IKZF3: variants seen among roughly 807,000 people sequenced by gnomAD.
The protein encoded by IKZF3 is IKAROS family zinc finger 3.
A neutral mutation model predicts 49.0 loss-of-function variants in IKZF3; 10 were observed. The ratio of observed to expected loss-of-function variants is 0.20; its 90% CI spans 0.13 to 0.35. IKZF3 has a LOEUF of 0.35. Among genes scored for constraint, IKZF3 ranks in the 10% least tolerant of loss-of-function variants. The probability of loss-of-function intolerance (pLI) is 1.00; values close to 1 mark genes in which losing one functional copy is unlikely to be tolerated. For synonymous variants in IKZF3, 209 were observed against 228.2 expected, an observed-to-expected ratio of 0.92 and a Z score of 0.76; for missense variants, 498 against 664.8, an observed-to-expected ratio of 0.75 and a Z score of 2.76.
chr17:39,808,528 A>G (rs531564102), intron 3 of IKZF3, among the ~76,000 whole-genome samples: 15 of 152,288 alleles, frequency 9.8e-5, no homozygotes, highest in African/African-American at 3.6e-4. Context: ...TTTATGGACC[A>G]TACTGTCTCA....
intron 1 of IKZF3, chr17:39,835,572 G>C: frequency 2.3e-6 from 1 of 435,346 alleles, no homozygotes; most frequent in Non-Finnish European, 4.5e-6. Flanking sequence ...CATGCTGTCA[G>C]CCTTGGCCTG....
intron 1 of IKZF3, among the ~76,000 whole-genome samples, chr17:39,833,140 C>G (rs1478485352): frequency 6.6e-6 from 1 of 152,162 alleles, no homozygotes. Context: ...TCAATCCATT[C>G]ATCGATCCAG....
intron 1 of IKZF3, among the ~76,000 whole-genome samples, chr17:39,847,222 T>C (rs577710576): frequency 1.3e-5 from 2 of 152,288 alleles, no homozygotes; most frequent in South Asian, 2.1e-4. Flanking sequence ...ATCACCATCA[T>C]ATATAATCAT....
chr17:39,828,578 G>A (rs975085128), intron 3 of IKZF3, among the ~76,000 whole-genome samples: 3 of 152,226 alleles, frequency 2.0e-5, no homozygotes, highest in African/African-American at 7.2e-5. Flanking sequence ...TCAGACAAAA[G>A]TGCAGGTAAC....
At chr17:39,772,894 C>A (rs886540129) in intron 7 of IKZF3, among the ~76,000 whole-genome samples, 2 of 152,174 alleles carry the variant, frequency 1.3e-5, no homozygotes, top group African/African-American at 4.8e-5. Context: ...CGGCTTACTG[C>A]AACTTCTGCT....
At chr17:39,846,924 C>G (rs1186739061) in intron 1 of IKZF3, among the ~76,000 whole-genome samples, 4 of 151,958 alleles carry the variant, frequency 2.6e-5, no homozygotes, top group Non-Finnish European at 5.9e-5. Context: ...TGCCAGCTGT[C>G]AGGCACCAGA....
chr17:39,807,141 T>C lies in IKZF3; in HGVS notation c.164-14208A>G, dbSNP rs1464814074. ...TGCTGTGCCTGTATTCCTGAGATAATATGTTTTAAGTTGCTAGGGTTTGGG... is the reference window on the plus strand; with the variant it reads ...TGCTGTGCCTGTATTCCTGAGATAACATGTTTTAAGTTGCTAGGGTTTGGG... On this transcript the variant is annotated intron_variant, in intron 3 of 7. Transcript: ENST00000346872. Among the ~76,000 whole-genome samples, 30 of 152,154 alleles carry C rather than the reference T, an allele frequency of 2.0e-4. 1 individual carries two copies. The highest frequency in any genetic ancestry group is 2.0e-3 in the Admixed American group (30 of 15,264).
At chr17:39,829,158 T>C (rs937833748) in intron 3 of IKZF3, among the ~76,000 whole-genome samples, 4 of 152,202 alleles carry the variant, frequency 2.6e-5, no homozygotes, top group African/African-American at 9.7e-5. Flanking sequence ...AAACATCATG[T>C]TTTAAGTGAA....
rs1181396236 is a variant in IKZF3 at position 39,765,904 on chromosome 17, G to A, written c.1416C>T (p.Gly472=). The part of the protein sequence containing the change: ...LDYVMFTIHM[G]CHGFRDPFEC... ...CGAAAGGGTCACGGAAGCCGTGGCAGCCCATGTGAATCGTGAACATCACAT... is the reference window on the plus strand; with the variant it reads ...CGAAAGGGTCACGGAAGCCGTGGCAACCCATGTGAATCGTGAACATCACAT... The change falls in exon 8 of 8, where the codon GGC becomes GGT. Residue 472 remains glycine (G), a synonymous_variant. Coordinates refer to ENST00000346872, the MANE Select transcript of IKZF3 (RefSeq NM_012481.5). The A allele has an allele frequency of 3.1e-6, 5 of 1,614,262 alleles. No homozygotes were observed. The highest frequency in any genetic ancestry group is 1.6e-4 in the Middle Eastern group (1 of 6,062).
At chr17:39,858,156 T>C (rs1026859079) in intron 1 of IKZF3, among the ~76,000 whole-genome samples, 1 of 152,152 alleles carries the variant, frequency 6.6e-6, no homozygotes, top group Non-Finnish European at 1.5e-5. Flanking sequence ...CCATTTCTTA[T>C]TTTAAAAGTT....
chr17:39,822,582 CTTT>C (rs536009534), intron 3 of IKZF3, among the ~76,000 whole-genome samples: 4 of 132,966 alleles, frequency 3.0e-5, no homozygotes, highest in Non-Finnish European at 3.2e-5. Context: ...GTATTTCTTT[CTTT>C]TTTTTTTTTT....
rs539841131 is a variant in IKZF3, at chr17:39,814,077, C to A, written c.163+15310G>T. The stretch of plus-strand genomic sequence containing the variant: ...AGCATCAAAGTAGTTTGTACTTCTT[C>A]TAAGCACCAAAGAGTTGTACACCTC... On this transcript the variant is annotated intron_variant, in intron 3 of 7. Transcript: ENST00000346872. Among the ~76,000 whole-genome samples, 311 of 152,248 alleles carry A rather than the reference C, an allele frequency of 2.0e-3. 1 individual carries two copies. The highest frequency in any genetic ancestry group is 3.3e-3 in the Non-Finnish European group (223 of 68,022).
intron 3 of IKZF3, among the ~76,000 whole-genome samples, chr17:39,824,104 C>G (rs2061891171): frequency 6.6e-6 from 1 of 152,346 alleles, no homozygotes; most frequent in Admixed American, 6.5e-5. Context: ...CCTGCAAAGC[C>G]ACAGGGGCGG....
intron 1 of IKZF3, among the ~76,000 whole-genome samples, chr17:39,861,256 C>A (rs1464374247): frequency 6.6e-6 from 1 of 152,098 alleles, no homozygotes; most frequent in Non-Finnish European, 1.5e-5. Context: ...GAAGTATACA[C>A]AGAAAGGAGA....
chr17:39,841,118 A>G (rs2062452956), intron 1 of IKZF3, among the ~76,000 whole-genome samples: 1 of 152,088 alleles, frequency 6.6e-6, no homozygotes, highest in African/African-American at 2.4e-5. Flanking sequence ...TCGAGGCTGC[A>G]GTGAGATGAG....
At chr17:39,849,020 CA>C (rs1279149565) in intron 1 of IKZF3, among the ~76,000 whole-genome samples, 4 of 151,860 alleles carry the variant, frequency 2.6e-5, no homozygotes, top group Non-Finnish European at 5.9e-5. Context: ...CACTTAGTCA[CA>C]AAAAAGAAGC....
At chr17:39,834,654 T>G (rs1458610256) in intron 1 of IKZF3, among the ~76,000 whole-genome samples, 1 of 152,240 alleles carries the variant, frequency 6.6e-6, no homozygotes, top group Non-Finnish European at 1.5e-5. Flanking sequence ...TCTTGGTGAA[T>G]GTGCCATGTG....
chr17:39,856,561 T>G (rs1444757688), intron 1 of IKZF3, among the ~76,000 whole-genome samples: 1 of 152,142 alleles, frequency 6.6e-6, no homozygotes, highest in Non-Finnish European at 1.5e-5. Context: ...ATCCCAACAC[T>G]TTGGGATGCC....
At chr17:39,810,711 T>C (rs2061531936) in intron 3 of IKZF3, among the ~76,000 whole-genome samples, 1 of 152,066 alleles carries the variant, frequency 6.6e-6, no homozygotes, top group African/African-American at 2.4e-5. Context: ...TGAATTAGCA[T>C]TACAATTATT....
Sources: allele counts gnomAD v4.1 joint callset (sites outside exome capture counted in the v4.1 genomes callset), GRCh38; gene constraint gnomAD v4.1.1; transcripts MANE v1.5; gene names NCBI Gene and HGNC (gene_info 2026-07-23, HGNC 2026-07-21).